The following SLC25A29 variants were observed in gnomAD, a reference collection of about 807,000 sequenced individuals.
The protein encoded by SLC25A29 is mitochondrial basic amino acids transporter.
A neutral mutation model predicts 10.0 loss-of-function variants in SLC25A29; 13 were observed. That is an observed-to-expected ratio of 1.30 (90% CI 0.85 to 2.07). The LOEUF is 2.07. Ranked by LOEUF, SLC25A29 falls within the 30% of genes most tolerant of loss-of-function variation. SLC25A29 has a pLI of 0.00. For missense variants in SLC25A29, 475 were observed against 447.6 expected (o/e 1.06, Z -0.55); for synonymous variants, 244 against 221.1 (o/e 1.10, Z -0.92).
Position 100,292,335 on chromosome 14 carries a change from G to C in SLC25A29, c.860C>G (p.Ala287Gly). The C allele has an allele frequency of 2.0e-6, 3 of 1,497,380 alleles. No homozygotes were observed. The South Asian group carries it at 3.9e-5, about 19-fold the overall frequency. 92.8% of individuals were successfully genotyped at this position (1,497,380 alleles called of 1,614,324 possible). ...AGGCCCCGCAGGGGCGGCGGGCACA[G>C]CCTCGCCCTCGGGCCCGGCCTCCTC... ...RGEEAGPEGE[A>G]VPAAPAGPAL... The change falls in exon 4 of 4, where the codon GCT becomes GGT. Residue 287 changes from alanine (A) to glycine (G), a missense_variant. Physicochemically the swap from Ala to Gly is moderately conservative, Grantham distance 60. Transcript: ENST00000359232.
chr14:100,285,149 G>T, the SLC25A29 span, among the ~76,000 whole-genome samples: 3 of 152,118 alleles, frequency 2.0e-5, no homozygotes, highest in East Asian at 5.8e-4. Flanking sequence ...CCTGCCACGT[G>T]CGTCTGTACC....
chr14:100,286,470 TGG>T (rs397961103), downstream of SLC25A29, among the ~76,000 whole-genome samples: 1 of 80,372 alleles, frequency 1.2e-5, no homozygotes, highest in Non-Finnish European at 2.4e-5. Flanking sequence ...AGAGCATGGC[TGG>T]GGGGGGGGGT....
chr14:100,284,819 C>A, the SLC25A29 span, among the ~76,000 whole-genome samples: 2 of 152,188 alleles, frequency 1.3e-5, no homozygotes, highest in Admixed American at 1.3e-4. Flanking sequence ...GCGGGCAGAT[C>A]ACCTGAGGTC....
intron 1 of SLC25A29, chr14:100,300,045 C>T (rs894971942): frequency 2.5e-6 from 2 of 806,628 alleles, no homozygotes; most frequent in South Asian, 5.7e-5. Context: ...CCAAGGTGGG[C>T]AGATCACTTG....
chr14:100,284,946 G>A, the SLC25A29 span, among the ~76,000 whole-genome samples: 1 of 151,790 alleles, frequency 6.6e-6, no homozygotes, highest in Middle Eastern at 3.4e-3. Flanking sequence ...GGCTGAGGCA[G>A]GAGAATCGCT....
chr14:100,288,118 C>G (rs1953928257), downstream of SLC25A29, among the ~76,000 whole-genome samples: 1 of 152,140 alleles, frequency 6.6e-6, no homozygotes, highest in African/African-American at 2.4e-5. Context: ...CGCGGTGGCT[C>G]ATGCCTGTAA....
At chr14:100,302,689 A>G (rs761171403) in intron 1 of SLC25A29, among the ~76,000 whole-genome samples, 2 of 151,962 alleles carry the variant, frequency 1.3e-5, no homozygotes, top group East Asian at 1.9e-4. Context: ...GGGGAACAGT[A>G]TGAATGCTCT....
At chr14:100,283,351 T>C in the SLC25A29 span, among the ~76,000 whole-genome samples, 25 of 152,294 alleles carry the variant, frequency 1.6e-4, no homozygotes, top group Non-Finnish European at 2.9e-4. Flanking sequence ...GACAGAATGC[T>C]ACTGAGGTGG....
chr14:100,283,849 G>A, the SLC25A29 span, among the ~76,000 whole-genome samples: 45 of 152,064 alleles, frequency 3.0e-4, no homozygotes, highest in African/African-American at 1.1e-3. Flanking sequence ...ACTTGCCGGT[G>A]TCTCTGCCTG....
chr14:100,284,508 C>A, the SLC25A29 span, among the ~76,000 whole-genome samples: 1 of 152,168 alleles, frequency 6.6e-6, no homozygotes, highest in Non-Finnish European at 1.5e-5. Context: ...CCAGTCCCGC[C>A]GACCCTCAGA....
rs1053617184 is a variant in SLC25A29, at chr14:100,291,838, A to C, written c.*445T>G. On this transcript the variant is annotated 3_prime_UTR_variant, in exon 4 of 4. Coordinates refer to ENST00000359232, the MANE Select transcript of SLC25A29 (RefSeq NM_001039355.3). ...ACACAGACCAGAGGGGTGGCCCACC[A>C]CCCCCCCGGGTGGAGGATGTGTGGA... is the stretch of plus-strand genomic sequence containing the variant. 8.5e-5 allele frequency: 20 copies of C among 235,360 alleles called. No homozygotes were observed. The highest frequency in any genetic ancestry group is 2.6e-4 in the African/African-American group (11 of 41,626). The allele number at this position is 235,360 out of a possible 1,614,324, so 14.6% of individuals were successfully genotyped here. A position where few individuals can be genotyped will look rare whatever the true frequency, so the allele number is the denominator to read the frequency against.
At chr14:100,297,215 AT>A (rs757005293) in intron 2 of SLC25A29, among the ~76,000 whole-genome samples, 1 of 152,194 alleles carries the variant, frequency 6.6e-6, no homozygotes, top group Non-Finnish European at 1.5e-5. Flanking sequence ...TCACATATAG[AT>A]CTTCTCAAAG....
the SLC25A29 span, chr14:100,280,656 T>G: frequency 2.0e-5 from 3 of 152,200 alleles, no homozygotes; most frequent in East Asian, 5.8e-4. Flanking sequence ...ATGTCACTTA[T>G]TTTGCTAAAT....
chr14:100,290,694 C>T (rs1284978493), downstream of SLC25A29, among the ~76,000 whole-genome samples: 1 of 152,216 alleles, frequency 6.6e-6, no homozygotes, highest in Non-Finnish European at 1.5e-5. Context: ...AGGAAGCCCT[C>T]TCTGACCTCC....
chr14:100,282,139 C>T, the SLC25A29 span: 1 of 152,198 alleles, frequency 6.6e-6, no homozygotes, highest in South Asian at 2.1e-4. Context: ...TCGTCCTGGC[C>T]GAGCAGGCAC....
At position 100,292,895 on chromosome 14, in the gene SLC25A29, C is replaced by T; in HGVS notation, c.300G>A (p.Ala100=). 1 of 1,606,482 alleles carries T rather than the reference C, an allele frequency of 6.2e-7. No individual in the cohort carries two copies. Among genetic ancestry groups the T allele is most frequent in the Non-Finnish European group, 8.5e-7 (1 of 1,177,712 alleles). ...DSPLNQFLAG[A]AAGAIQCVIC... Reference sequence around the variant, plus strand: ...TGACGCACTGGATGGCGCCCGCCGCCGCACCTGCCAGGAACTGGTTGAGGG... The same window carrying T: ...TGACGCACTGGATGGCGCCCGCCGCTGCACCTGCCAGGAACTGGTTGAGGG... The change falls in exon 4 of 4, where the codon GCG becomes GCA. Residue 100 remains alanine, a synonymous_variant. Coordinates refer to ENST00000359232, the MANE Select transcript of SLC25A29 (RefSeq NM_001039355.3).
Position 100,292,182 on chromosome 14 carries a change from G to T in SLC25A29, c.*101C>A. Reference sequence around the variant, plus strand: ...CAGCCCACGTCTGATAGACTCCACAGCTCGCAGCATCCCAGCAGGAAGCAG... The same window carrying T: ...CAGCCCACGTCTGATAGACTCCACATCTCGCAGCATCCCAGCAGGAAGCAG... On this transcript the variant is annotated 3_prime_UTR_variant, in exon 4 of 4. Transcript: ENST00000359232. 6.9e-7 allele frequency: 1 copy of T among 1,455,344 alleles called. No individual in the cohort carries two copies. The highest frequency in any genetic ancestry group is 9.3e-7 in the Non-Finnish European group (1 of 1,079,446). The allele number at this position is 1,455,344 out of a possible 1,614,324, so 90.2% of individuals were successfully genotyped here.
At chr14:100,300,139 C>T (rs553355120) in intron 1 of SLC25A29, among the ~76,000 whole-genome samples, 2 of 152,032 alleles carry the variant, frequency 1.3e-5, no homozygotes, top group African/African-American at 4.8e-5. Context: ...GGTGTGGTGG[C>T]GGGTGCCTAT....
In SLC25A29 at chr14:100,292,449, C is replaced by T. The variant is rs1346286697; in HGVS notation, c.746G>A (p.Arg249Gln). The change falls in exon 4 of 4, where the codon CGG becomes CAG. Residue 249 changes from arginine (R) to glutamine (Q), a missense_variant. Arg to Gln is a conservative substitution (Grantham distance 43). Transcript: ENST00000359232. ...YRAEGWRVFT[R>Q]GLASTLLRAF... ...GCGCAGCAGCGTGGACGCCAGCCCC[C>T]GTGTGAAGACGCGCCAGCCCTCGGC... is the stretch of plus-strand genomic sequence containing the variant. 4 of 1,579,002 alleles carry T rather than the reference C, an allele frequency of 2.5e-6. No individual in the cohort carries two copies. The highest frequency in any genetic ancestry group is 3.4e-6 in the Non-Finnish European group (4 of 1,164,606).
Sources: gnomAD v4.1 joint callset for allele counts (sites outside exome capture counted in the v4.1 genomes callset) on GRCh38, gnomAD v4.1.1 for gene constraint, MANE v1.5 for transcripts, NCBI Gene and HGNC (gene_info 2026-07-23, HGNC 2026-07-21) for gene names.